The following SLC27A4 variants were observed in gnomAD, a reference collection of about 807,000 sequenced individuals.
SLC27A4 encodes the protein solute carrier family 27 member 4.
In SLC27A4, 33 loss-of-function variants were observed where a neutral mutation model predicts 64.4. That is an observed-to-expected ratio of 0.51 (90% confidence interval 0.39 to 0.68). The LOEUF (loss-of-function observed/expected upper bound fraction) is 0.68. Ranked by LOEUF, SLC27A4 falls within the 30% of genes least tolerant of loss-of-function variation. The probability of loss-of-function intolerance (pLI) is 0.00; values close to 1 mark genes in which losing one functional copy is unlikely to be tolerated. For synonymous variants in SLC27A4, 377 were observed against 370.0 expected, an observed-to-expected ratio of 1.02 and a Z score of -0.22; for missense variants, 824 against 883.5, an observed-to-expected ratio of 0.93 and a Z score of 0.85.
chr9:128,353,563 G>A lies in SLC27A4; in HGVS notation c.1324+22G>A. 1.2e-6 allele frequency: 2 copies of A among 1,612,584 alleles called. No individual in the cohort carries two copies. The highest frequency in any genetic ancestry group is 3.3e-4 in the Middle Eastern group (2 of 6,014). On this transcript the variant is annotated intron_variant, in intron 9 of 12. Coordinates refer to ENST00000300456, the MANE Select transcript of SLC27A4 (RefSeq NM_005094.4). The surrounding 1 kb of genome is among the most constrained non-coding windows in gnomAD (Gnocchi z 4.9). ...CCAGGTCTGCCACTTCGGGGTCAGA[G>A]AGGGAGGGGTTGGCCTGGGAAGGAA...
intron 6 of SLC27A4, among the ~76,000 whole-genome samples, 184 bp from the exon 7 acceptor site, chr9:128,352,454 G>C (rs1432747646): frequency 6.6e-6 from 1 of 152,192 alleles, no homozygotes; most frequent in African/African-American, 2.4e-5. Flanking sequence ...GCAGCACCAG[G>C]GAAGAGCCTG....
chr9:128,360,588 G>GA lies in SLC27A4; in HGVS notation c.*97_*98insA. The GA allele has an allele frequency of 7.4e-7, 1 of 1,350,960 alleles. No individual in the cohort carries two copies. The highest frequency in any genetic ancestry group is 1.9e-5 in the Admixed American group (1 of 53,264). The allele number at this position is 1,350,960 out of a possible 1,614,324, so 83.7% of individuals were successfully genotyped here. On this transcript the variant is annotated 3_prime_UTR_variant, in exon 13 of 13. Coordinates refer to ENST00000300456, the MANE Select transcript of SLC27A4 (RefSeq NM_005094.4). Reference sequence around the variant, plus strand: ...GACAAGGCCAGACCAAAGCAAGCAGGGCCTGGCACCTCCATCCTGAGGTGC... The same window carrying GA: ...GACAAGGCCAGACCAAAGCAAGCAGGAGCCTGGCACCTCCATCCTGAGGTGC...
Position 128,353,368 on chromosome 9 carries a change from T to C in SLC27A4, c.1198-47T>C, listed in dbSNP as rs1832766240. 3.1e-6 allele frequency: 5 copies of C among 1,614,084 alleles called. No homozygotes were observed. Among genetic ancestry groups the C allele is most frequent in the Non-Finnish European group, 4.2e-6 (5 of 1,180,008 alleles). On this transcript the variant is annotated intron_variant, in intron 8 of 12. Transcript: ENST00000300456. This position sits in a 1 kb window ranked among gnomAD's most constrained non-coding sequence, Gnocchi z 4.9. ...CCCACTTCCCCCTCATTGTCCAGTT[T>C]TGGGCCCATGGTGAGAGAGCCCAGG...
intron 4 of SLC27A4, 117 bp downstream of exon 4, chr9:128,348,820 G>A (rs756371628): frequency 1.3e-4 from 137 of 1,025,758 alleles, no homozygotes; most frequent in Admixed American, 3.1e-4. Flanking sequence ...AACATGTCAC[G>A]TCACCTCCCT....
Position 128,350,562 on chromosome 9 carries a change from C to T in SLC27A4, c.864C>T (p.Leu288=). The stretch of plus-strand genomic sequence containing the variant: ...ACATCGTCTATGACTGCCTCCCCCT[C>T]TACCACTCAGCAGGTAACTCTAGGG... ...PNDIVYDCLP[L]YHSAGNIVGI... Residue 288 remains leucine, a synonymous_variant, in exon 6 of 13, where the codon CTC becomes CTT. Transcript: ENST00000300456. 6.2e-7 allele frequency: 1 copy of T among 1,612,874 alleles called. No homozygotes were observed. Among genetic ancestry groups the T allele is most frequent in the Non-Finnish European group, 8.5e-7 (1 of 1,179,496 alleles).
At position 128,345,070 on chromosome 9, in the gene SLC27A4, G is replaced by A. The variant is rs1832632446; in HGVS notation, c.162-85G>A. On this transcript the variant is annotated intron_variant, in intron 2 of 12. Transcript: ENST00000300456. This position sits in a 1 kb window ranked among gnomAD's most constrained non-coding sequence, Gnocchi z 4.1. ...GGGTCTGGCTCATGAAGCATAGGCT[G>A]GCGAGGCAGCAGCCTGGGGTAGGGT... 6.4e-7 allele frequency: 1 copy of A among 1,560,142 alleles called. No homozygotes were observed. The highest frequency in any genetic ancestry group is 1.1e-5 in the South Asian group (1 of 88,686).
At position 128,342,251 on chromosome 9, in the gene SLC27A4, T is replaced by C. The variant is rs776842361; in HGVS notation, c.-6-876T>C. 9 of 1,610,746 alleles carry C rather than the reference T, an allele frequency of 5.6e-6. No individual in the cohort carries two copies. In the African/African-American group the frequency reaches 8.0e-5, roughly 14 times the overall value. Reference sequence around the variant, plus strand: ...GCAACCATGTCTGACAAACCCGATATGGCTGAGATTGAGAAATTCGATAAG... The same window carrying C: ...GCAACCATGTCTGACAAACCCGATACGGCTGAGATTGAGAAATTCGATAAG... On this transcript the variant is annotated intron_variant, in intron 1 of 12. Coordinates refer to ENST00000300456, the MANE Select transcript of SLC27A4 (RefSeq NM_005094.4).
chr9:128,342,743 A>G (rs1400825008), intron 1 of SLC27A4: 1 of 346,848 alleles, frequency 2.9e-6, no homozygotes, highest in East Asian at 7.3e-5. Context: ...TTTAATATGC[A>G]AATAAAAAGT....
intron 1 of SLC27A4, chr9:128,342,117 T>C (rs1045931060): frequency 2.5e-6 from 2 of 789,408 alleles, no homozygotes; most frequent in Admixed American, 1.9e-5. Context: ...TGAACTGTCA[T>C]GTTTTGGCTA....
chr9:128,341,991 C>G (rs1488643719), intron 1 of SLC27A4, among the ~76,000 whole-genome samples: 2 of 152,230 alleles, frequency 1.3e-5, no homozygotes, highest in Admixed American at 1.3e-4. Flanking sequence ...CCTGCCTCGG[C>G]CTCCCAAAGT....
chr9:128,340,727 TGCTGAGACCCG>T lies in SLC27A4; in HGVS notation c.-114_-104del, dbSNP rs772270222. The stretch of plus-strand genomic sequence containing the variant: ...GCAGGGCGCAGAGCCGGCTAAACCC[TGCTGAGACCCG>T]GCTCCGTGCGTCCAGGGGCGGCTAA... On this transcript the variant is annotated 5_prime_UTR_variant, in exon 1 of 13. The change abolishes the stop of an existing upstream ORF in the 5' untranslated region. Coordinates refer to ENST00000300456, the MANE Select transcript of SLC27A4 (RefSeq NM_005094.4). 3.0e-5 allele frequency: 19 copies of T among 627,216 alleles called. No individual in the cohort carries two copies. The South Asian group carries it at 3.1e-4, about 10-fold the overall frequency. 38.9% of individuals were successfully genotyped at this position (627,216 alleles called of 1,614,324 possible).
Position 128,355,577 on chromosome 9 carries a change from G to A in SLC27A4, c.1627+15G>A. 9 of 1,608,424 alleles carry A rather than the reference G, an allele frequency of 5.6e-6. No homozygotes were observed. The highest frequency in any genetic ancestry group is 5.3e-5 in the African/African-American group (4 of 75,054). On this transcript the variant is annotated intron_variant, in intron 11 of 12. Transcript: ENST00000300456. ...CGAGGTGCCAGGTATGTGCAGGCAG[G>A]CGCGAGGTGTGGGTAGGGAGGCACC...
At position 128,357,723 on chromosome 9, in the gene SLC27A4, C is replaced by T. The variant is rs1253257474; in HGVS notation, c.1774+1927C>T. 2.0e-5 allele frequency among the ~76,000 whole-genome samples: 3 copies of T among 152,218 alleles called. No individual in the cohort carries two copies. In the East Asian group the frequency reaches 5.8e-4, roughly 29 times the overall value. On this transcript the variant is annotated intron_variant, in intron 12 of 12. Coordinates refer to ENST00000300456, the MANE Select transcript of SLC27A4 (RefSeq NM_005094.4). Reference sequence around the variant, plus strand: ...TGCCCATACCTGCCCCTGCTTTCCTCAGCCCTTGGTGCCTCTTCTGGGCCC... The same window carrying T: ...TGCCCATACCTGCCCCTGCTTTCCTTAGCCCTTGGTGCCTCTTCTGGGCCC...
Position 128,355,135 on chromosome 9 carries a change from C to G in SLC27A4, c.1407C>G (p.Asn469Lys). The change falls in exon 10 of 13, where the codon AAC (asparagine) becomes AAG (lysine). Residue 469 changes from asparagine (N) to lysine (K), a missense_variant. Physicochemically the swap from Asn to Lys is moderately conservative, Grantham distance 94. Transcript: ENST00000300456. ...ATGGCTACCTCAACCAGGGCGCCAA[C>G]AACAAGAAGATTGCCAAGGATGTCT... The part of the protein sequence containing the change: ...RFDGYLNQGA[N>K]NKKIAKDVFK... The G allele has an allele frequency of 6.2e-7, 1 of 1,613,716 alleles. No individual in the cohort carries two copies. Among genetic ancestry groups the G allele is most frequent in the Non-Finnish European group, 8.5e-7 (1 of 1,179,860 alleles).
intron 6 of SLC27A4, among the ~76,000 whole-genome samples, chr9:128,351,737 T>A (rs1832740136): frequency 6.6e-6 from 1 of 151,994 alleles, no homozygotes; most frequent in Non-Finnish European, 1.5e-5. Context: ...AATAAATTAA[T>A]TTAATTTAAT....
At position 128,352,667 on chromosome 9, in the gene SLC27A4, C is replaced by T. The variant is rs889862602; in HGVS notation, c.907C>T (p.Leu303=). The stretch of plus-strand genomic sequence containing the variant: ...CATCGTGGGAATCGGCCAGTGCCTG[C>T]TGCATGGCATGACGGTGGTGATTCG... ...GNIVGIGQCL[L]HGMTVVIRKK... is the part of the protein sequence containing the mutation. The change falls in exon 7 of 13, where the codon CTG becomes TTG. Residue 303 remains leucine, a synonymous_variant. Transcript: ENST00000300456. 1 of 1,614,192 alleles carries T rather than the reference C, an allele frequency of 6.2e-7. No homozygotes were observed. Among genetic ancestry groups the T allele is most frequent in the Admixed American group, 1.7e-5 (1 of 60,024 alleles).
In SLC27A4 at chr9:128,353,393, G is replaced by A; in HGVS notation, c.1198-22G>A. The A allele has an allele frequency of 6.2e-7, 1 of 1,614,124 alleles. No homozygotes were observed. The highest frequency in any genetic ancestry group is 8.5e-7 in the Non-Finnish European group (1 of 1,180,032). The stretch of plus-strand genomic sequence containing the variant: ...TTGGGCCCATGGTGAGAGAGCCCAG[G>A]CCCAAGTCTTGGCCTTCGCAGGTGG... On this transcript the variant is annotated intron_variant, in intron 8 of 12. Transcript: ENST00000300456. This position sits in a 1 kb window ranked among gnomAD's most constrained non-coding sequence, Gnocchi z 4.9.
Position 128,351,276 on chromosome 9 carries a change from A to G in SLC27A4, c.877+701A>G, listed in dbSNP as rs554643423. On this transcript the variant is annotated intron_variant, in intron 6 of 12. Coordinates refer to ENST00000300456, the MANE Select transcript of SLC27A4 (RefSeq NM_005094.4). ...GAGACACTGTCTCAAAAAAAAAAAA[A>G]ATTAGCTGGGTCTGGTGGCGTGTGC... Among the ~76,000 whole-genome samples, 228 of 150,084 alleles carry G rather than the reference A, an allele frequency of 1.5e-3. 1 individual carries two copies. Among genetic ancestry groups the G allele is most frequent in the African/African-American group, 4.6e-3 (185 of 40,562 alleles).
chr9:128,356,314 C>T (rs1257043601), intron 12 of SLC27A4, among the ~76,000 whole-genome samples: 1 of 152,114 alleles, frequency 6.6e-6, no homozygotes, highest in Non-Finnish European at 1.5e-5. Context: ...GGAATAGACA[C>T]TGTAAAGCCC....
Sources: allele counts gnomAD v4.1 joint callset (sites outside exome capture counted in the v4.1 genomes callset), GRCh38; gene constraint gnomAD v4.1.1; non-coding constraint Gnocchi (gnomAD v3.1); transcripts MANE v1.5; gene names NCBI Gene and HGNC (gene_info 2026-07-23, HGNC 2026-07-21).